Variants in POLR1E observed in about 807,000 individuals in gnomAD.
POLR1E encodes RNA polymerase I subunit E.
A neutral mutation model predicts 50.9 loss-of-function variants in POLR1E; 37 were observed. The observed-to-expected ratio is 0.73, with a 90% CI of 0.56 to 0.96. The LOEUF (loss-of-function observed/expected upper bound fraction) is 0.96. Among genes scored for constraint, POLR1E ranks in the 40% least tolerant of loss-of-function variants. The probability of loss-of-function intolerance (pLI) is 0.00; values close to 1 mark genes in which losing one functional copy is unlikely to be tolerated. For missense variants in POLR1E, 426 were observed against 518.1 expected (o/e 0.82, Z 1.73); for synonymous variants, 166 against 191.6 (o/e 0.87, Z 1.10).
chr9:37,492,479 A>G, intron 4 of POLR1E, 178 bp from the exon 5 acceptor site: 1 of 824,564 alleles, frequency 1.2e-6, no homozygotes, highest in Non-Finnish European at 1.9e-6. Flanking sequence ...AAGTTCTTTA[A>G]CTGTATACTA....
intron 5 of POLR1E, 151 bp downstream of exon 5, chr9:37,492,866 C>T: frequency 1.4e-6 from 1 of 691,142 alleles, no homozygotes. Context: ...TTAGTTTGTA[C>T]CTGCAGAAGC....
chr9:37,498,329 A>G (rs896430353), intron 9 of POLR1E, 105 bp downstream of exon 9: 1 of 1,257,414 alleles, frequency 8.0e-7, no homozygotes, highest in African/African-American at 1.5e-5. Context: ...TGTCTGTCCA[A>G]GTCTTTACTG....
intron 3 of POLR1E, 77 bp from the exon 4 acceptor site, chr9:37,489,235 CAAA>C (rs533858952): frequency 1.2e-3 from 1,121 of 918,110 alleles, no homozygotes; most frequent in Admixed American, 2.0e-3. Flanking sequence ...GACTCTGTCT[CAAA>C]AAAAAAAAAA....
chr9:37,495,167 A>C lies in POLR1E; in HGVS notation c.548-2A>C. On this transcript the variant is annotated splice_acceptor_variant, in intron 6 of 11. Transcript: ENST00000377798. LOFTEE classifies it high-confidence loss of function. The stretch of plus-strand genomic sequence containing the variant: ...TACATGGATTGTTTCTTTATTGAAA[A>C]GCTCTGGTCAGCGATGCTATCCACA... 1 of 1,611,852 alleles carries C rather than the reference A, an allele frequency of 6.2e-7. No homozygotes were observed. The highest frequency in any genetic ancestry group is 8.5e-7 in the Non-Finnish European group (1 of 1,178,000).
intron 2 of POLR1E, 60 bp downstream of exon 2, chr9:37,486,866 G>C: frequency 6.5e-7 from 1 of 1,542,482 alleles, no homozygotes; most frequent in Non-Finnish European, 8.7e-7. Context: ...CCCTGGGAGT[G>C]GGTGGATGTG....
rs138785536 is a variant in POLR1E at position 37,503,355 on chromosome 9, ATCATTGAGC to A, written c.*157_*165del. The A allele has an allele frequency of 0.024, 21,590 of 903,252 alleles. 1,193 individuals are homozygous for A. The highest frequency in any genetic ancestry group is 0.19 in the African/African-American group (11,036 of 58,816). The allele number at this position is 903,252 out of a possible 1,614,324, so 56.0% of individuals were successfully genotyped here. A position where few individuals can be genotyped will look rare whatever the true frequency, so the allele number is the denominator to read the frequency against. ...CACTTTGGGAGGCCGAGGCAGGAAG[ATCATTGAGC>A]TCAGGAGTTTGAAACCAGTCTGGAC... is the stretch of plus-strand genomic sequence containing the variant. On this transcript the variant is annotated 3_prime_UTR_variant, in exon 12 of 12. Transcript: ENST00000377798.
chr9:37,489,445 G>T lies in POLR1E; in HGVS notation c.343+45G>T, dbSNP rs755222933. On this transcript the variant is annotated intron_variant, in intron 4 of 11. Transcript: ENST00000377798. ...GCTGACAGAAATAATGCATAGTTTG[G>T]GTTTGCTGGATGAGTTGGCTTGAGT... 5 of 1,379,754 alleles carry T rather than the reference G, an allele frequency of 3.6e-6. No homozygotes were observed. In the Admixed American group the frequency reaches 7.3e-5, roughly 20 times the overall value. The allele number at this position is 1,379,754 out of a possible 1,614,324, so 85.5% of individuals were successfully genotyped here.
At chr9:37,499,885 C>G (rs1364812192) in intron 9 of POLR1E, among the ~76,000 whole-genome samples, 6 of 150,198 alleles carry the variant, frequency 4.0e-5, no homozygotes, top group Non-Finnish European at 8.9e-5. Flanking sequence ...GAGTCTCGCT[C>G]TGTCGCCCAG....
intron 7 of POLR1E, among the ~76,000 whole-genome samples, chr9:37,495,528 C>A (rs898933632): frequency 6.6e-6 from 1 of 152,148 alleles, no homozygotes; most frequent in African/African-American, 2.4e-5. Context: ...CTGTGGGGCT[C>A]ACTCTCCATG....
At chr9:37,486,234 C>A in intron 1 of POLR1E, 111 bp downstream of exon 1, 2 of 1,372,072 alleles carry the variant, frequency 1.5e-6, no homozygotes, top group Non-Finnish European at 1.9e-6. Context: ...GGGCCGGGAC[C>A]CCTCTAGTCT....
At position 37,498,142 on chromosome 9, in the gene POLR1E, G is replaced by C. The variant is rs1447570603; in HGVS notation, c.804G>C (p.Glu268Asp). Residue 268 changes from glutamate (E) to aspartate (D), a missense_variant, in exon 9 of 12, where the codon GAG (glutamate) becomes GAC (aspartate). Transcript: ENST00000377798. ...EALKSLPSDV[E>D]SRDRQARCIW... is the part of the protein sequence containing the mutation. ...TGAAGTCTTTGCCATCAGATGTGGA[G>C]AGCCGAGACCGCCAGGCCCGATGCA... 3.7e-6 allele frequency: 6 copies of C among 1,613,924 alleles called. No individual in the cohort carries two copies. The South Asian group carries it at 4.4e-5, about 12-fold the overall frequency.
chr9:37,494,225 T>G (rs957667087), intron 6 of POLR1E, among the ~76,000 whole-genome samples: 2 of 152,162 alleles, frequency 1.3e-5, no homozygotes, highest in Non-Finnish European at 2.9e-5. Flanking sequence ...TTTACCGATT[T>G]TGGAGATGAG....
chr9:37,492,167 A>G, intron 4 of POLR1E: 1 of 921,406 alleles, frequency 1.1e-6, no homozygotes, highest in Non-Finnish European at 1.4e-6. Context: ...AGGCAAGGCC[A>G]CTCCAGAGCT....
chr9:37,490,928 G>A (rs1012899233), intron 4 of POLR1E: 23 of 451,838 alleles, frequency 5.1e-5, no homozygotes, highest in Admixed American at 7.9e-5. Context: ...AGTTCTGGCC[G>A]AAAGGGTTCT....
chr9:37,492,748 A>G (rs759697833), intron 5 of POLR1E, 33 bp downstream of exon 5: 3 of 1,597,066 alleles, frequency 1.9e-6, no homozygotes, highest in Non-Finnish European at 2.6e-6. Context: ...GTGGGACCTT[A>G]AGCAAGTTCC....
At chr9:37,501,922 A>G in intron 11 of POLR1E, 78 bp downstream of exon 11, 1 of 1,458,008 alleles carries the variant, frequency 6.9e-7, no homozygotes, top group East Asian at 2.3e-5. Flanking sequence ...AGCATGAGGC[A>G]CCACCAAGGG....
intron 10 of POLR1E, among the ~76,000 whole-genome samples, chr9:37,501,403 G>T (rs1820885814): frequency 6.6e-6 from 1 of 152,198 alleles, no homozygotes; most frequent in African/African-American, 2.4e-5. Context: ...TTTCCCAGCA[G>T]CCCTGCTGGG....
At chr9:37,495,755 C>T (rs1820773465) in intron 7 of POLR1E, 135 bp from the exon 8 acceptor site, 12 of 638,788 alleles carry the variant, frequency 1.9e-5, no homozygotes, top group Non-Finnish European at 2.9e-6. Context: ...AAGCTCTGCC[C>T]CTATGTGATC....
chr9:37,487,985 G>T, intron 3 of POLR1E, 46 bp downstream of exon 3: 1 of 1,587,034 alleles, frequency 6.3e-7, no homozygotes, highest in Non-Finnish European at 8.6e-7. Context: ...GGGGTTGGGA[G>T]TGGTGGCAGC....
Sources: allele counts gnomAD v4.1 joint callset (sites outside exome capture counted in the v4.1 genomes callset), GRCh38; gene constraint gnomAD v4.1.1; transcripts MANE v1.5; gene names NCBI Gene and HGNC (gene_info 2026-07-23, HGNC 2026-07-21).